LRP1B: variants seen among roughly 807,000 people sequenced by gnomAD.
LRP1B encodes the protein low-density lipoprotein receptor-related protein 1B.
LRP1B carries 217 observed loss-of-function variants against 556.6 expected under a neutral mutation model. The ratio of observed to expected loss-of-function variants is 0.39; its 90% CI spans 0.35 to 0.44. The LOEUF (loss-of-function observed/expected upper bound fraction) is 0.44. Among genes scored for constraint, LRP1B ranks in the 20% least tolerant of loss-of-function variants. The pLI, the probability that LRP1B is intolerant of heterozygous loss-of-function variation, is 1.00. For synonymous variants in LRP1B, 2,047 were observed against 1,865.8 expected (o/e 1.10, Z -2.50); for missense variants, 5,053 against 5,620.8 (o/e 0.90, Z 3.23).
chr2:141,829,996 A>G (rs530461352), intron 1 of LRP1B, among the ~76,000 whole-genome samples: 40 of 152,046 alleles, frequency 2.6e-4, no homozygotes, highest in Non-Finnish European at 8.8e-5. Context: ...GCCCCTAACA[A>G]AAAAGAATGA....
At chr2:140,592,817 G>C (rs911462997) in intron 43 of LRP1B, among the ~76,000 whole-genome samples, 9 of 152,026 alleles carry the variant, frequency 5.9e-5, no homozygotes, top group Non-Finnish European at 1.3e-4. Flanking sequence ...GTTCAGGCTT[G>C]TAGTCCCAAC....
chr2:141,463,674 T>C (rs1009230849), intron 3 of LRP1B, among the ~76,000 whole-genome samples: 10 of 139,812 alleles, frequency 7.2e-5, no homozygotes, highest in African/African-American at 2.6e-4. Context: ...ATTAAAATTA[T>C]TTGCTAATAA....
intron 11 of LRP1B, among the ~76,000 whole-genome samples, chr2:141,036,053 C>T (rs1187941217): frequency 3.9e-5 from 6 of 152,136 alleles, no homozygotes; most frequent in Admixed American, 6.6e-5. Flanking sequence ...TAACAATAAG[C>T]GTAAACCCAA....
In LRP1B at chr2:140,352,995, C is replaced by A. The variant is rs2105121932; in HGVS notation, c.11608G>T (p.Asp3870Tyr). The A allele has an allele frequency of 6.2e-7, 1 of 1,612,606 alleles. No homozygotes were observed. The highest frequency in any genetic ancestry group is 8.5e-7 in the Non-Finnish European group (1 of 1,179,142). ...NVEGSYKCVC[D>Y]QNFQERNNTC... ...TTATTTCTTTCTTGAAAATTCTGGT[C>A]ACACACACATTTATATGATCCTTCC... is the stretch of plus-strand genomic sequence containing the variant. The change falls in exon 76 of 91, where the codon GAC becomes TAC. Residue 3870 changes from aspartate (D) to tyrosine (Y), a missense_variant. Coordinates refer to ENST00000389484, the MANE Select transcript of LRP1B (RefSeq NM_018557.3).
chr2:141,794,266 A>G (rs1282290629), intron 2 of LRP1B, among the ~76,000 whole-genome samples: 7 of 151,680 alleles, frequency 4.6e-5, no homozygotes, highest in Non-Finnish European at 1.0e-4. Context: ...TTTTGCAGTA[A>G]GTAAACAGGA....
Position 140,492,624 on chromosome 2 carries a change from T to C in LRP1B, c.9104A>G (p.Tyr3035Cys). The C allele has an allele frequency of 6.2e-7, 1 of 1,613,264 alleles. No homozygotes were observed. Among genetic ancestry groups the C allele is most frequent in the Middle Eastern group, 1.7e-4 (1 of 6,060 alleles). Residue 3035 changes from tyrosine to cysteine, a missense_variant, in exon 57 of 91, where the codon TAC becomes TGC. Physicochemically the swap from Tyr to Cys is radical, Grantham distance 194 (BLOSUM62 -2). This residue lies in a region of LRP1B where 3,619 missense variants were observed against 3,931.9 expected (regional missense o/e 0.92). Coordinates refer to ENST00000389484, the MANE Select transcript of LRP1B (RefSeq NM_018557.3). ...GTGTCATACCTGTTTTAAAAGTGTG[T>C]AGTTGGAGCCATCAGTGCTAATTTT... ...IRKISTDGSN[Y>C]TLLKQGLNNV...
intron 84 of LRP1B, among the ~76,000 whole-genome samples, chr2:140,277,464 G>A (rs537603998): frequency 6.1e-4 from 92 of 151,928 alleles, no homozygotes; most frequent in African/African-American, 2.2e-3. Context: ...GTGGGCACCT[G>A]TAATGCCAGC....
chr2:142,006,968 A>T (rs1702823127), intron 1 of LRP1B, among the ~76,000 whole-genome samples: 1 of 151,974 alleles, frequency 6.6e-6, no homozygotes, highest in Non-Finnish European at 1.5e-5. Context: ...TAAGAATTAG[A>T]AGACCTGATT....
At chr2:141,035,405 C>T (rs1698504041) in intron 11 of LRP1B, among the ~76,000 whole-genome samples, 1 of 151,768 alleles carries the variant, frequency 6.6e-6, no homozygotes, top group Non-Finnish European at 1.5e-5. Context: ...TTATAGAGTG[C>T]AAAGTAAAGT....
intron 1 of LRP1B, among the ~76,000 whole-genome samples, chr2:141,822,868 A>G (rs1257108933): frequency 6.6e-6 from 1 of 152,114 alleles, no homozygotes; most frequent in Non-Finnish European, 1.5e-5. Context: ...GGTGGGCAAA[A>G]ATAGAAATAC....
chr2:140,898,928 T>C, intron 23 of LRP1B: 1 of 374,214 alleles, frequency 2.7e-6, no homozygotes, highest in Admixed American at 3.4e-5. Flanking sequence ...CAGGTCTCAA[T>C]AAAGATATCT....
intron 1 of LRP1B, among the ~76,000 whole-genome samples, chr2:142,121,245 A>G (rs1054313906): frequency 6.6e-6 from 1 of 152,138 alleles, no homozygotes; most frequent in Non-Finnish European, 1.5e-5. Context: ...TGGATTCATC[A>G]TTTCCCTTCT....
At chr2:141,788,196 T>A (rs1453463371) in intron 2 of LRP1B, among the ~76,000 whole-genome samples, 1 of 152,002 alleles carries the variant, frequency 6.6e-6, no homozygotes, top group Non-Finnish European at 1.5e-5. Flanking sequence ...TTTTGTTGCT[T>A]GCAACAAACC....
chr2:142,044,032 A>G (rs2105219687), intron 1 of LRP1B, among the ~76,000 whole-genome samples: 1 of 151,864 alleles, frequency 6.6e-6, no homozygotes, highest in African/African-American at 2.4e-5. Flanking sequence ...AATCTTCAAT[A>G]ACATATATCT....
chr2:140,769,101 T>C, intron 35 of LRP1B, 112 bp downstream of exon 35: 1 of 987,820 alleles, frequency 1.0e-6, no homozygotes, highest in Non-Finnish European at 1.5e-6. Flanking sequence ...TTTGCTGCTT[T>C]CTTATTTCTC....
Position 140,532,947 on chromosome 2 carries a change from T to TATATATATATATACACAC in LRP1B, c.7762+1073_7762+1074insGTGTGTATATATATATAT. Among the ~76,000 whole-genome samples the TATATATATATATACACAC allele has an allele frequency of 2.2e-4, 27 of 124,310 alleles. 1 individual carries two copies. The highest frequency in any genetic ancestry group is 3.8e-4 in the Non-Finnish European group (23 of 59,952). The allele number at this position is 124,310 out of a possible 152,430, so 81.6% of individuals were successfully genotyped here. A position where few individuals can be genotyped will look rare whatever the true frequency, so the allele number is the denominator to read the frequency against. Reference sequence around the variant, plus strand: ...AGCACAAGATATATATATATATATATACACATATATATCTCGATCTGTTTA... The same window carrying TATATATATATATACACAC: ...AGCACAAGATATATATATATATATATATATATATATATACACACACACATATATATCTCGATCTGTTTA... On this transcript the variant is annotated intron_variant, in intron 47 of 90. Coordinates refer to ENST00000389484, the MANE Select transcript of LRP1B (RefSeq NM_018557.3).
At chr2:142,061,706 G>T (rs1454232011) in intron 1 of LRP1B, among the ~76,000 whole-genome samples, 1 of 151,858 alleles carries the variant, frequency 6.6e-6, no homozygotes, top group Non-Finnish European at 1.5e-5. Flanking sequence ...TCAAAAGTTT[G>T]GCATTGATAA....
At chr2:140,764,058 G>A (rs1020471405) in intron 35 of LRP1B, among the ~76,000 whole-genome samples, 1 of 152,064 alleles carries the variant, frequency 6.6e-6, no homozygotes, top group African/African-American at 2.4e-5. Context: ...TGCTGCTACT[G>A]ACATATAAAG....
chr2:140,662,664 T>G (rs1330134285), intron 41 of LRP1B, among the ~76,000 whole-genome samples: 2 of 152,070 alleles, frequency 1.3e-5, no homozygotes, highest in African/African-American at 2.4e-5. Context: ...TAGAAAGAAT[T>G]AAATAAGAAT....
Sources: gnomAD v4.1 joint callset for allele counts (sites outside exome capture counted in the v4.1 genomes callset) on GRCh38, gnomAD v4.1.1 for gene constraint, gnomAD v4.1.1 regional missense constraint, MANE v1.5 for transcripts, NCBI Gene and HGNC (gene_info 2026-07-23, HGNC 2026-07-21) for gene names.